UBE2D2: variants seen among roughly 807,000 people sequenced by gnomAD.
UBE2D2 encodes ubiquitin-conjugating enzyme E2 D2.
UBE2D2 carries 2 observed loss-of-function variants against 24.2 expected under a neutral mutation model. That is an observed-to-expected ratio of 0.08 (90% confidence interval 0.03 to 0.26). UBE2D2 has a LOEUF of 0.26. UBE2D2 is among the 10% of genes least tolerant of loss of function. The pLI is 1.00. For synonymous variants in UBE2D2, 58 were observed against 56.5 expected (o/e 1.03, Z -0.12); for missense variants, 44 against 177.6 (o/e 0.25, Z 4.28).
chr5:139,574,860 C>CAA (rs1753434598), intron 1 of UBE2D2, among the ~76,000 whole-genome samples: 1 of 151,990 alleles, frequency 6.6e-6, no homozygotes, highest in South Asian at 2.1e-4. Context: ...TTGTACCCTG[C>CAA]AAGCCTGTGG....
At chr5:139,612,283 C>T (rs1285746292) in intron 2 of UBE2D2, 2 of 152,404 alleles carry the variant, frequency 1.3e-5, no homozygotes, top group Non-Finnish European at 2.9e-5. Flanking sequence ...AGACCTGTAG[C>T]AGTGAGGTTT....
rs564289778 is a variant in UBE2D2 at position 139,532,532 on chromosome 5, T to C, written c.-64+5920T>C. On this transcript the variant is annotated intron_variant, in intron 1 of 6. Transcript: ENST00000511725. ...ACACCCGGCTAATTTTTTGTATTTT[T>C]AGTGGAGACGGAGTTTCACCATATT... is the stretch of plus-strand genomic sequence containing the variant. Among the ~76,000 whole-genome samples, 5 of 152,188 alleles carry C rather than the reference T, an allele frequency of 3.3e-5. No individual in the cohort carries two copies. In the East Asian group the frequency reaches 9.7e-4, roughly 30 times the overall value.
chr5:139,562,986 C>T (rs1753143301), intron 1 of UBE2D2, among the ~76,000 whole-genome samples: 1 of 152,082 alleles, frequency 6.6e-6, no homozygotes, highest in Non-Finnish European at 1.5e-5. Flanking sequence ...CCGTGTTGTC[C>T]AGGCTGGTGT....
intron 1 of UBE2D2, among the ~76,000 whole-genome samples, chr5:139,594,703 C>T (rs909888519): frequency 2.6e-5 from 4 of 152,074 alleles, no homozygotes; most frequent in South Asian, 2.1e-4. Context: ...TGTGAGCCAC[C>T]GCACCCGGTC....
chr5:139,625,183 C>T (rs1403335633), intron 6 of UBE2D2, among the ~76,000 whole-genome samples: 1 of 151,398 alleles, frequency 6.6e-6, no homozygotes, highest in Non-Finnish European at 1.5e-5. Flanking sequence ...CCAGCCTCCC[C>T]AGTAGCTGGG....
At chr5:139,575,005 G>C (rs961443621) in intron 1 of UBE2D2, among the ~76,000 whole-genome samples, 1 of 152,166 alleles carries the variant, frequency 6.6e-6, no homozygotes, top group Admixed American at 6.6e-5. Flanking sequence ...TCCATCATTA[G>C]CTGAATATGT....
intron 1 of UBE2D2, among the ~76,000 whole-genome samples, chr5:139,591,706 A>G (rs1028056867): frequency 1.3e-5 from 2 of 152,216 alleles, no homozygotes; most frequent in Non-Finnish European, 2.9e-5. Context: ...ATGAGTTACT[A>G]ATATTTCCTG....
Position 139,568,518 on chromosome 5 carries a change from T to A in UBE2D2, c.24+6703T>A, listed in dbSNP as rs1314123812. 4.6e-5 allele frequency among the ~76,000 whole-genome samples: 7 copies of A among 151,106 alleles called. No individual in the cohort carries two copies. In the South Asian group the frequency reaches 1.5e-3, roughly 32 times the overall value. ...ACTAAAAATACAAAAAATTAGTCAG[T>A]GTGGTGGCAGGTGCCTGTAGTCCCA... is the stretch of plus-strand genomic sequence containing the variant. On this transcript the variant is annotated intron_variant, in intron 1 of 6. Transcript: ENST00000398733.
intron 1 of UBE2D2, among the ~76,000 whole-genome samples, chr5:139,548,791 T>C (rs1752869339): frequency 6.6e-6 from 1 of 152,082 alleles, no homozygotes; most frequent in Non-Finnish European, 1.5e-5. Flanking sequence ...CTTCACAGTA[T>C]GGCCTAATAA....
intron 1 of UBE2D2, among the ~76,000 whole-genome samples, chr5:139,595,983 T>A (rs1198227393): frequency 7.2e-6 from 1 of 137,980 alleles, no homozygotes; most frequent in Non-Finnish European, 1.5e-5. Context: ...AACCTCCGCC[T>A]CCCTCGTTCA....
At chr5:139,585,791 A>G (rs355158) in intron 1 of UBE2D2, among the ~76,000 whole-genome samples, 9,292 of 151,886 alleles carry the variant, frequency 0.061, 333 homozygotes, top group South Asian at 0.11. Flanking sequence ...TGCAGAGGTT[A>G]ACTTTTGGTA....
intron 5 of UBE2D2, among the ~76,000 whole-genome samples, chr5:139,617,815 T>C (rs1754446305): frequency 6.6e-6 from 1 of 152,074 alleles, no homozygotes; most frequent in Non-Finnish European, 1.5e-5. Flanking sequence ...TATTTCATTG[T>C]TGTTACGAAG....
At chr5:139,587,018 G>C (rs1484793468) in intron 1 of UBE2D2, among the ~76,000 whole-genome samples, 2 of 152,156 alleles carry the variant, frequency 1.3e-5, no homozygotes, top group Non-Finnish European at 2.9e-5. Flanking sequence ...TCAAGATGGT[G>C]GTGGGCCACT....
In UBE2D2 at chr5:139,561,569, G is replaced by A; in HGVS notation, c.-223G>A. The A allele has an allele frequency of 2.4e-6, 1 of 421,978 alleles. No homozygotes were observed. The highest frequency in any genetic ancestry group is 4.4e-5 in the Admixed American group (1 of 22,634). The allele number at this position is 421,978 out of a possible 1,614,324, so 26.1% of individuals were successfully genotyped here. ...CGGCGGTGGCGGCTAGGGCGGCGGC[G>A]AATAAAGGGGCCGCCGCCGGGTGAT... On this transcript the variant is annotated 5_prime_UTR_variant, in exon 1 of 7. Transcript: ENST00000398733.
intron 1 of UBE2D2, among the ~76,000 whole-genome samples, chr5:139,576,962 C>T (rs1013347750): frequency 1.2e-3 from 111 of 94,512 alleles, no homozygotes; most frequent in Admixed American, 2.1e-3. Context: ...TTTTTTTTAA[C>T]TTGAATTTTT....
At chr5:139,582,845 T>C (rs1460140287) in intron 1 of UBE2D2, among the ~76,000 whole-genome samples, 1 of 151,840 alleles carries the variant, frequency 6.6e-6, no homozygotes, top group Non-Finnish European at 1.5e-5. Flanking sequence ...TAATTTTTTG[T>C]AGTTTTAGTA....
chr5:139,600,194 C>G (rs1754042753), intron 1 of UBE2D2, 178 bp from the exon 2 acceptor site: 3 of 735,580 alleles, frequency 4.1e-6, no homozygotes, highest in African/African-American at 3.5e-5. Flanking sequence ...TACACATTGC[C>G]TTGAAGAATC....
intron 1 of UBE2D2, among the ~76,000 whole-genome samples, chr5:139,592,674 C>T (rs1753869210): frequency 6.8e-6 from 1 of 147,802 alleles, no homozygotes; most frequent in Non-Finnish European, 1.5e-5. Flanking sequence ...ACGACCTCGG[C>T]TCACTGCAAC....
At chr5:139,537,457 G>A (rs1309730854) in intron 1 of UBE2D2, among the ~76,000 whole-genome samples, 1 of 151,834 alleles carries the variant, frequency 6.6e-6, no homozygotes, top group Non-Finnish European at 1.5e-5. Flanking sequence ...TTTGTCCATT[G>A]CCACAATCAC....
Sources: allele counts gnomAD v4.1 joint callset (sites outside exome capture counted in the v4.1 genomes callset), GRCh38; gene constraint gnomAD v4.1.1; transcripts MANE v1.5; gene names NCBI Gene and HGNC (gene_info 2026-07-23, HGNC 2026-07-21).